The following LYN variants were observed in gnomAD, a reference collection of about 807,000 sequenced individuals.
LYN encodes LYN proto-oncogene, Src family tyrosine kinase.
Under a neutral mutation model 65.0 loss-of-function variants are expected in LYN, and 12 were observed. The ratio of observed to expected loss-of-function variants is 0.18; its 90% CI spans 0.12 to 0.30. The LOEUF is 0.30. Among genes scored for constraint, LYN ranks in the 10% least tolerant of loss-of-function variants. The probability of loss-of-function intolerance (pLI) is 1.00; values close to 1 mark genes in which losing one functional copy is unlikely to be tolerated. For missense variants in LYN, 380 were observed against 623.2 expected, an observed-to-expected ratio of 0.61 and a Z score of 4.16; for synonymous variants, 222 against 221.2, an observed-to-expected ratio of 1.00 and a Z score of -0.03.
intron 8 of LYN, among the ~76,000 whole-genome samples, chr8:55,964,525 T>C (rs1274550195): frequency 6.6e-6 from 1 of 152,224 alleles, no homozygotes; most frequent in Non-Finnish European, 1.5e-5. Flanking sequence ...GGCTTGGAAA[T>C]AGATGTATAA....
intron 10 of LYN, among the ~76,000 whole-genome samples, chr8:55,976,761 GT>G (rs979440494): frequency 6.6e-6 from 1 of 152,192 alleles, no homozygotes; most frequent in Non-Finnish European, 1.5e-5. Flanking sequence ...TTGGGAAGGG[GT>G]GTGGCTGCAG....
intron 8 of LYN, among the ~76,000 whole-genome samples, chr8:55,964,062 A>T (rs1041852333): frequency 6.6e-6 from 1 of 152,222 alleles, no homozygotes; most frequent in African/African-American, 2.4e-5. Flanking sequence ...GCTTGTAATT[A>T]TGCATTTAGA....
chr8:55,972,814 A>T (rs1313834917), intron 10 of LYN, among the ~76,000 whole-genome samples: 1 of 152,070 alleles, frequency 6.6e-6, no homozygotes, highest in Non-Finnish European at 1.5e-5. Flanking sequence ...CCACTTTACT[A>T]TTTAGGGTGG....
chr8:55,921,458 A>G (rs1285150028), intron 1 of LYN, among the ~76,000 whole-genome samples: 11 of 152,248 alleles, frequency 7.2e-5, no homozygotes, highest in Admixed American at 7.2e-4. Context: ...CATAACAGAC[A>G]TAAAGTTGTA....
chr8:55,915,538 C>G (rs1413561876), intron 1 of LYN, among the ~76,000 whole-genome samples: 4 of 152,048 alleles, frequency 2.6e-5, no homozygotes, highest in African/African-American at 9.7e-5. Flanking sequence ...AACCCCGTCT[C>G]TACTAAAAAT....
intron 1 of LYN, among the ~76,000 whole-genome samples, chr8:55,908,998 TATATATATATATACACACACACAC>T (rs1376977560): frequency 1.6e-5 from 1 of 63,062 alleles, no homozygotes; most frequent in Non-Finnish European, 3.2e-5. Context: ...TGTATATATA[TATATATATATATACACACACACAC>T]ACACACACAC....
intron 1 of LYN, among the ~76,000 whole-genome samples, chr8:55,895,174 G>A (rs903689519): frequency 9.9e-5 from 15 of 152,026 alleles, no homozygotes; most frequent in African/African-American, 3.1e-4. Context: ...GCATCTCTGC[G>A]TTTTAACTGC....
At chr8:55,998,164 G>A (rs1467657421) in intron 10 of LYN, among the ~76,000 whole-genome samples, 182 bp from the exon 11 acceptor site, 2 of 151,788 alleles carry the variant, frequency 1.3e-5, no homozygotes, top group African/African-American at 2.4e-5. Flanking sequence ...GCAGAGGGTG[G>A]TCAGTTATTT....
intron 10 of LYN, among the ~76,000 whole-genome samples, chr8:55,986,922 G>T (rs889226765): frequency 3.3e-5 from 5 of 152,228 alleles, no homozygotes; most frequent in Admixed American, 2.0e-4. Context: ...ATAGGGTCTT[G>T]TTACGTTGTC....
At chr8:55,967,465 C>G (rs1363201985) in intron 9 of LYN, among the ~76,000 whole-genome samples, 1 of 151,868 alleles carries the variant, frequency 6.6e-6, no homozygotes, top group Non-Finnish European at 1.5e-5. Flanking sequence ...CAGGCACGTG[C>G]CACCATGCCC....
chr8:55,926,753 G>A (rs1806119629), intron 1 of LYN, among the ~76,000 whole-genome samples: 2 of 152,210 alleles, frequency 1.3e-5, no homozygotes, highest in African/African-American at 2.4e-5. Context: ...TTTTAAAAAT[G>A]GAGGATCCCT....
chr8:55,942,329 GTGTATATATATA>G (rs1186533881), intron 2 of LYN, among the ~76,000 whole-genome samples: 1 of 130,076 alleles, frequency 7.7e-6, no homozygotes, highest in East Asian at 2.1e-4. Flanking sequence ...GTATATATAT[GTGTATATATATA>G]TGTGTATATA....
At chr8:55,952,357 G>A (rs1411627239) in intron 7 of LYN, among the ~76,000 whole-genome samples, 3 of 151,854 alleles carry the variant, frequency 2.0e-5, no homozygotes, top group Non-Finnish European at 2.9e-5. Flanking sequence ...TCAGGAGTTC[G>A]AGACCAGCCT....
At chr8:55,979,352 T>C (rs1174503721) in intron 10 of LYN, among the ~76,000 whole-genome samples, 1 of 152,190 alleles carries the variant, frequency 6.6e-6, no homozygotes, top group African/African-American at 2.4e-5. Flanking sequence ...TCATTCTTGT[T>C]TTTTAAAGTG....
At chr8:55,909,824 C>T (rs1192194821) in intron 1 of LYN, among the ~76,000 whole-genome samples, 2 of 152,032 alleles carry the variant, frequency 1.3e-5, no homozygotes, top group East Asian at 3.8e-4. Flanking sequence ...GATGAAGTCT[C>T]ATTGTGGTTT....
intron 1 of LYN, among the ~76,000 whole-genome samples, chr8:55,890,847 C>T (rs1289742683): frequency 6.6e-6 from 1 of 151,758 alleles, no homozygotes; most frequent in Non-Finnish European, 1.5e-5. Context: ...CCCACCTCAG[C>T]CTCTTGAGTA....
Position 55,939,534 on chromosome 8 carries a change from G to T in LYN, c.-5-2321G>T, listed in dbSNP as rs538336496. Reference sequence around the variant, plus strand: ...GCAGGGGAACTGCAGGAACGCAGTGGGGGGGGGACAGGGGATTCCCTGTGC... The same window carrying T: ...GCAGGGGAACTGCAGGAACGCAGTGTGGGGGGGACAGGGGATTCCCTGTGC... On this transcript the variant is annotated intron_variant, in intron 1 of 12. Transcript: ENST00000519728. 1.8e-3 allele frequency among the ~76,000 whole-genome samples: 275 copies of T among 151,800 alleles called. 1 individual carries two copies. The highest frequency in any genetic ancestry group is 2.6e-3 in the Non-Finnish European group (175 of 67,886).
intron 10 of LYN, among the ~76,000 whole-genome samples, chr8:55,997,426 C>G (rs998949383): frequency 1.3e-5 from 2 of 152,272 alleles, no homozygotes; most frequent in Admixed American, 1.3e-4. Context: ...AAGGAAAGCC[C>G]TGGCAGGTTT....
intron 12 of LYN, among the ~76,000 whole-genome samples, chr8:56,005,703 A>T (rs935964345): frequency 6.6e-6 from 1 of 152,242 alleles, no homozygotes; most frequent in Non-Finnish European, 1.5e-5. Flanking sequence ...AAAAAAGAAA[A>T]TAGTGAGGAG....
Sources: gnomAD v4.1 joint callset for allele counts (sites outside exome capture counted in the v4.1 genomes callset) on GRCh38, gnomAD v4.1.1 for gene constraint, MANE v1.5 for transcripts, NCBI Gene and HGNC (gene_info 2026-07-23, HGNC 2026-07-21) for gene names.